PITPNC1: variants seen among roughly 807,000 people sequenced by gnomAD.
PITPNC1 encodes the protein cytoplasmic phosphatidylinositol transfer protein 1.
In PITPNC1, 18 loss-of-function variants were observed where a neutral mutation model predicts 44.7. The observed-to-expected ratio is 0.40, with a 90% CI of 0.28 to 0.60. The LOEUF (loss-of-function observed/expected upper bound fraction) is 0.60, where lower values mean the gene tolerates loss of function less well. PITPNC1 is among the 20% of genes least tolerant of loss of function. The pLI is 0.39. For synonymous variants in PITPNC1, 141 were observed against 149.6 expected, an observed-to-expected ratio of 0.94 and a Z score of 0.42; for missense variants, 290 against 418.4, an observed-to-expected ratio of 0.69 and a Z score of 2.68.
chr17:67,542,185 G>A (rs2040618824), intron 2 of PITPNC1, among the ~76,000 whole-genome samples: 1 of 152,140 alleles, frequency 6.6e-6, no homozygotes, highest in Non-Finnish European at 1.5e-5. Context: ...AGTTATGCTT[G>A]CACCATTCTA....
chr17:67,629,906 A>C (rs1412912217), intron 5 of PITPNC1, among the ~76,000 whole-genome samples: 1 of 152,236 alleles, frequency 6.6e-6, no homozygotes, highest in African/African-American at 2.4e-5. Context: ...GGGTCAGACT[A>C]GGGAGTTAAT....
chr17:67,589,968 A>AAAAGGAAAGG (rs960895558), intron 5 of PITPNC1, among the ~76,000 whole-genome samples: 1 of 151,976 alleles, frequency 6.6e-6, no homozygotes, highest in Non-Finnish European at 1.5e-5. Context: ...ACTCTGTCTC[A>AAAAGGAAAGG]AAAGGAAAGG....
At position 67,648,948 on chromosome 17, in the gene PITPNC1, G is replaced by A. The variant is rs570962760; in HGVS notation, c.462+16710G>A. 2.8e-3 allele frequency among the ~76,000 whole-genome samples: 422 copies of A among 152,314 alleles called. 4 individuals are homozygous for A. Among genetic ancestry groups the A allele is most frequent in the African/African-American group, 9.7e-3 (403 of 41,564 alleles). On this transcript the variant is annotated intron_variant, in intron 6 of 8. Transcript: ENST00000581322. Reference sequence around the variant, plus strand: ...GCGGGAGGATCACTTGAGGCCAGGAGTTTGAGACCAGCCCAGACAATATAG... The same window carrying A: ...GCGGGAGGATCACTTGAGGCCAGGAATTTGAGACCAGCCCAGACAATATAG...
chr17:67,632,375 C>G (rs2041981715), intron 6 of PITPNC1, 137 bp downstream of exon 6: 2 of 633,838 alleles, frequency 3.2e-6, no homozygotes, highest in South Asian at 1.9e-5. Context: ...CTTGCTGGTT[C>G]TTTTTGCAAG....
intron 2 of PITPNC1, among the ~76,000 whole-genome samples, chr17:67,542,065 C>A (rs1391044257): frequency 6.6e-6 from 1 of 152,174 alleles, no homozygotes; most frequent in Non-Finnish European, 1.5e-5. Flanking sequence ...CTGGAAGATC[C>A]TTTTCAACCC....
At chr17:67,518,941 C>G (rs2040291574) in intron 1 of PITPNC1, among the ~76,000 whole-genome samples, 1 of 152,150 alleles carries the variant, frequency 6.6e-6, no homozygotes, top group Non-Finnish European at 1.5e-5. Flanking sequence ...GACCCTTTCC[C>G]TAAAAGTATT....
intron 1 of PITPNC1, among the ~76,000 whole-genome samples, chr17:67,435,138 A>G (rs966441597): frequency 1.2e-4 from 18 of 150,070 alleles, no homozygotes; most frequent in Non-Finnish European, 2.4e-4. Flanking sequence ...AAAGAAGCCC[A>G]GAGCTCAAGA....
chr17:67,654,156 A>G (rs2042238385), intron 6 of PITPNC1, among the ~76,000 whole-genome samples: 1 of 152,202 alleles, frequency 6.6e-6, no homozygotes, highest in Non-Finnish European at 1.5e-5. Flanking sequence ...AGACATTGGT[A>G]CTGAGCACTG....
intron 1 of PITPNC1, among the ~76,000 whole-genome samples, chr17:67,447,440 G>A (rs994237219): frequency 6.6e-6 from 1 of 151,912 alleles, no homozygotes; most frequent in East Asian, 1.9e-4. Context: ...CTAGCTCCGG[G>A]TCTCTCTCTC....
intron 1 of PITPNC1, among the ~76,000 whole-genome samples, chr17:67,409,132 C>T (rs1295517928): frequency 7.4e-5 from 10 of 135,716 alleles, no homozygotes; most frequent in African/African-American, 1.1e-4. Flanking sequence ...GGCCGGACTG[C>T]GGACTGCAGT....
At chr17:67,528,530 T>C (rs1432546498) in intron 1 of PITPNC1, among the ~76,000 whole-genome samples, 1 of 152,202 alleles carries the variant, frequency 6.6e-6, no homozygotes, top group Non-Finnish European at 1.5e-5. Context: ...ACATACAAGT[T>C]TGTTTGGAGC....
At chr17:67,433,431 G>A (rs187089835) in intron 1 of PITPNC1, among the ~76,000 whole-genome samples, 3 of 152,174 alleles carry the variant, frequency 2.0e-5, no homozygotes, top group East Asian at 3.9e-4. Context: ...AGCCAGCCCC[G>A]GGCAGAAGAT....
At chr17:67,692,446 T>C (rs1270675799) in intron 8 of PITPNC1, 126 bp from the exon 9 acceptor site, 1 of 670,990 alleles carries the variant, frequency 1.5e-6, no homozygotes, top group East Asian at 2.6e-5. Flanking sequence ...ACTTTGGGTG[T>C]ATAATCGGGA....
chr17:67,488,506 C>T (rs1047076377), intron 1 of PITPNC1, among the ~76,000 whole-genome samples: 1 of 152,218 alleles, frequency 6.6e-6, no homozygotes, highest in Non-Finnish European at 1.5e-5. Context: ...CCTCAGTCAC[C>T]TTCATCAATG....
intron 1 of PITPNC1, among the ~76,000 whole-genome samples, chr17:67,422,192 G>A (rs2038680453): frequency 6.6e-6 from 1 of 152,156 alleles, no homozygotes; most frequent in Admixed American, 6.6e-5. Context: ...AAACAAAACA[G>A]CATGTTCCCA....
At chr17:67,611,944 G>A (rs946456338) in intron 5 of PITPNC1, 1 of 152,218 alleles carries the variant, frequency 6.6e-6, no homozygotes, top group African/African-American at 2.4e-5. Flanking sequence ...GCGAAGACAA[G>A]CCACTTATTA....
intron 1 of PITPNC1, among the ~76,000 whole-genome samples, chr17:67,453,203 T>C (rs765453080): frequency 1.3e-5 from 2 of 152,192 alleles, no homozygotes; most frequent in African/African-American, 2.4e-5. Context: ...TTTCAAATAT[T>C]TTAGGTAACA....
intron 1 of PITPNC1, among the ~76,000 whole-genome samples, chr17:67,397,597 A>G (rs1365205324): frequency 1.3e-5 from 2 of 152,186 alleles, no homozygotes; most frequent in African/African-American, 4.8e-5. Context: ...TGCTGAGCTC[A>G]GGATCTGCAC....
At chr17:67,474,657 C>T (rs1568005212) in intron 1 of PITPNC1, among the ~76,000 whole-genome samples, 1 of 152,084 alleles carries the variant, frequency 6.6e-6, no homozygotes, top group Non-Finnish European at 1.5e-5. Context: ...TAGGATTCTT[C>T]TTCTCTTTAT....
Sources: allele counts gnomAD v4.1 joint callset (sites outside exome capture counted in the v4.1 genomes callset), GRCh38; gene constraint gnomAD v4.1.1; transcripts MANE v1.5; gene names NCBI Gene and HGNC (gene_info 2026-07-23, HGNC 2026-07-21).